TMEM135: variants seen among roughly 807,000 people sequenced by gnomAD.
TMEM135 encodes the protein transmembrane protein 135.
In TMEM135, 30 loss-of-function variants were observed where a neutral mutation model predicts 60.3. That is an observed-to-expected ratio of 0.50 (90% CI 0.37 to 0.68). The LOEUF is 0.68. TMEM135 is among the 30% of genes least tolerant of loss of function. TMEM135 has a pLI of 0.00. For missense variants in TMEM135, 468 were observed against 548.8 expected, an observed-to-expected ratio of 0.85 and a Z score of 1.47; for synonymous variants, 190 against 186.7, an observed-to-expected ratio of 1.02 and a Z score of -0.14.
intron 4 of TMEM135, among the ~76,000 whole-genome samples, chr11:87,100,704 A>G (rs1458169605): frequency 1.3e-5 from 2 of 152,218 alleles, no homozygotes; most frequent in Non-Finnish European, 2.9e-5. Context: ...TCTACTAAAA[A>G]TACAAAAATT....
chr11:87,244,094 A>T (rs1486800454), intron 6 of TMEM135, among the ~76,000 whole-genome samples: 1 of 82,966 alleles, frequency 1.2e-5, no homozygotes, highest in African/African-American at 4.8e-5. Flanking sequence ...CCTTTTCTGC[A>T]TCTATTGAGA....
At chr11:87,314,575 T>C (rs1942694356) in intron 12 of TMEM135, 28 bp downstream of exon 12, 1 of 1,575,840 alleles carries the variant, frequency 6.3e-7, no homozygotes, top group African/African-American at 1.4e-5. Flanking sequence ...GCAAGAATAG[T>C]TCCAAAGAAC....
intron 4 of TMEM135, among the ~76,000 whole-genome samples, chr11:87,120,688 G>T (rs1010148882): frequency 6.6e-6 from 1 of 151,854 alleles, no homozygotes; most frequent in South Asian, 2.1e-4. Context: ...GGATGGTCTC[G>T]ATCTCCTGAC....
chr11:87,236,755 A>G lies in TMEM135; in HGVS notation c.509+71A>G, dbSNP rs563685474. 161 of 1,424,694 alleles carry G rather than the reference A, an allele frequency of 1.1e-4. 2 individuals carry two copies. In the South Asian group the frequency reaches 1.7e-3, roughly 15 times the overall value. 88.3% of individuals were successfully genotyped at this position (1,424,694 alleles called of 1,614,324 possible). A position where few individuals can be genotyped will look rare whatever the true frequency, so the allele number is the denominator to read the frequency against. On this transcript the variant is annotated intron_variant, in intron 6 of 14. Coordinates refer to ENST00000305494, the MANE Select transcript of TMEM135 (RefSeq NM_022918.4). ...TCTTTGTAATTTCATCAACCACGAAACTAAAGTATTCTCCAAATAATTATC... is the reference window on the plus strand; with the variant it reads ...TCTTTGTAATTTCATCAACCACGAAGCTAAAGTATTCTCCAAATAATTATC...
At chr11:87,095,672 T>A (rs1392008663) in intron 4 of TMEM135, 7 of 184,684 alleles carry the variant, frequency 3.8e-5, no homozygotes, top group Non-Finnish European at 5.8e-5. Context: ...AGGTTTTGTG[T>A]CACTATTTTA....
At chr11:87,247,626 A>C (rs1272543097) in intron 6 of TMEM135, among the ~76,000 whole-genome samples, 3 of 152,208 alleles carry the variant, frequency 2.0e-5, no homozygotes, top group Non-Finnish European at 4.4e-5. Flanking sequence ...GCTAGCAGTC[A>C]GTCAGACTCC....
intron 4 of TMEM135, among the ~76,000 whole-genome samples, chr11:87,114,821 A>G (rs1362234238): frequency 6.6e-6 from 1 of 152,188 alleles, no homozygotes; most frequent in East Asian, 1.9e-4. Context: ...CAGGACTTGG[A>G]AATAATTGTA....
intron 5 of TMEM135, among the ~76,000 whole-genome samples, chr11:87,204,912 C>T (rs1940202173): frequency 6.6e-6 from 1 of 152,126 alleles, no homozygotes; most frequent in South Asian, 2.1e-4. Flanking sequence ...ATTATTTCTT[C>T]TATCAAAAAT....
At position 87,082,062 on chromosome 11, in the gene TMEM135, A is replaced by T. The variant is rs77675473; in HGVS notation, c.363-9300A>T. ...GAGAGTTGTGTATGTCTATGCATAC[A>T]ATCACAATTCCTGGTTGGATTTAAT... On this transcript the variant is annotated intron_variant, in intron 3 of 14. Transcript: ENST00000305494. 3.0e-3 allele frequency among the ~76,000 whole-genome samples: 453 copies of T among 152,326 alleles called. 2 individuals are homozygous for T. The highest frequency in any genetic ancestry group is 1.0e-2 in the African/African-American group (414 of 41,586).
At chr11:87,092,362 T>C (rs1004308711) in intron 4 of TMEM135, among the ~76,000 whole-genome samples, 2 of 152,168 alleles carry the variant, frequency 1.3e-5, no homozygotes, top group African/African-American at 2.4e-5. Flanking sequence ...GAAAAGTGGG[T>C]GTAACCCCTT....
chr11:87,281,988 C>T (rs1428689773), intron 6 of TMEM135, among the ~76,000 whole-genome samples: 1 of 152,198 alleles, frequency 6.6e-6, no homozygotes, highest in Non-Finnish European at 1.5e-5. Context: ...TAACTTAGCT[C>T]AGTGGTTTTC....
chr11:87,067,207 T>C (rs1300267058), intron 1 of TMEM135, among the ~76,000 whole-genome samples: 1 of 147,764 alleles, frequency 6.8e-6, no homozygotes, highest in Non-Finnish European at 1.5e-5. Context: ...TATAGTAATA[T>C]ACTATATATA....
intron 12 of TMEM135, 147 bp downstream of exon 12, chr11:87,314,694 CTTTG>C: frequency 1.5e-6 from 1 of 678,628 alleles, no homozygotes; most frequent in Non-Finnish European, 2.6e-6. Context: ...CTGTGTTTTT[CTTTG>C]TGTGTGTGTT....
chr11:87,063,272 A>T (rs1275836249), intron 1 of TMEM135, among the ~76,000 whole-genome samples: 1 of 152,244 alleles, frequency 6.6e-6, no homozygotes, highest in Admixed American at 6.5e-5. Context: ...TCATGTAAAT[A>T]CATAAATACA....
intron 4 of TMEM135, among the ~76,000 whole-genome samples, chr11:87,125,950 C>G (rs1937713276): frequency 6.6e-6 from 1 of 152,190 alleles, no homozygotes; most frequent in South Asian, 2.1e-4. Flanking sequence ...TTTAACAAAG[C>G]AAATTTCGTA....
chr11:87,324,466 G>T lies in TMEM135; in HGVS notation c.*3133G>T. ...AGTTGAGGTCTAGCTCTGTTGCCCG[G>T]GTTGGAGTACAGTGGTGCAATCATA... is the stretch of plus-strand genomic sequence containing the variant. On this transcript the variant is annotated 3_prime_UTR_variant, in exon 15 of 15. Transcript: ENST00000305494. 1 of 453,956 alleles carries T rather than the reference G, an allele frequency of 2.2e-6. No homozygotes were observed. The highest frequency in any genetic ancestry group is 1.6e-5 in the South Asian group (1 of 64,466). 28.1% of individuals were successfully genotyped at this position (453,956 alleles called of 1,614,324 possible). A position where few individuals can be genotyped will look rare whatever the true frequency, so the allele number is the denominator to read the frequency against.
intron 5 of TMEM135, among the ~76,000 whole-genome samples, chr11:87,160,151 A>C (rs535541841): frequency 7.2e-5 from 11 of 152,334 alleles, no homozygotes; most frequent in African/African-American, 2.6e-4. Flanking sequence ...GAATTTATCC[A>C]GATACATGAT....
intron 5 of TMEM135, among the ~76,000 whole-genome samples, chr11:87,199,519 G>A (rs551878575): frequency 1.3e-5 from 2 of 152,304 alleles, no homozygotes; most frequent in Non-Finnish European, 2.9e-5. Flanking sequence ...GCCTACAGTG[G>A]TAGTATTTAA....
At chr11:87,063,426 A>G (rs1274670959) in intron 1 of TMEM135, among the ~76,000 whole-genome samples, 1 of 152,230 alleles carries the variant, frequency 6.6e-6, no homozygotes, top group Non-Finnish European at 1.5e-5. Flanking sequence ...TGATTATAAA[A>G]TGTGATGTTT....
Sources: allele counts gnomAD v4.1 joint callset (sites outside exome capture counted in the v4.1 genomes callset), GRCh38; gene constraint gnomAD v4.1.1; transcripts MANE v1.5; gene names NCBI Gene and HGNC (gene_info 2026-07-23, HGNC 2026-07-21).